Variants in KRABD4 observed in about 807,000 individuals in gnomAD.
KRABD4 encodes the protein KRAB domain-containing protein 4.
chrX:46,462,308 G>A, the KRABD4 span: 17 of 142,952 alleles, frequency 1.2e-4, no homozygotes, highest in South Asian at 2.0e-4. Context: ...TCAGGAGTTC[G>A]AGACCAGCCT....
At chrX:46,458,479 A>G in the KRABD4 span, among the ~76,000 whole-genome samples, 2 of 111,984 alleles carry the variant, frequency 1.8e-5, no homozygotes, top group East Asian at 5.6e-4. Flanking sequence ...ACTCATAGTA[A>G]CAGAAATATT....
chrX:46,462,615 CTG>C, the KRABD4 span: 1 of 1,110,966 alleles, frequency 9.0e-7, no homozygotes, highest in Non-Finnish European at 1.2e-6. Flanking sequence ...TACTTAGGCT[CTG>C]TGCACCTCAC....
chrX:46,471,735 CT>C, the KRABD4 span, among the ~76,000 whole-genome samples: 1 of 112,178 alleles, frequency 8.9e-6, no homozygotes, highest in Non-Finnish European at 1.9e-5. Context: ...AGTATGTAGC[CT>C]TTTCAGACTG....
chrX:46,466,125 T>C, the KRABD4 span, among the ~76,000 whole-genome samples: 1 of 111,981 alleles, frequency 8.9e-6, no homozygotes, highest in Non-Finnish European at 1.9e-5. Context: ...ATGAAAACTG[T>C]CCAGTCTCAT....
the KRABD4 span, among the ~76,000 whole-genome samples, chrX:46,465,392 A>G: frequency 1.8e-5 from 2 of 112,872 alleles, no homozygotes; most frequent in African/African-American, 6.4e-5. Context: ...GTGGAGCCAC[A>G]TAGCCTGGGC....
chrX:46,450,370 T>C, the KRABD4 span: 2 of 708,463 alleles, frequency 2.8e-6, no homozygotes, highest in Non-Finnish European at 4.4e-6. Flanking sequence ...ATTATTGGGA[T>C]GGTAATGATG....
chrX:46,461,557 G>A, the KRABD4 span, among the ~76,000 whole-genome samples: 7 of 111,566 alleles, frequency 6.3e-5, no homozygotes, highest in African/African-American at 2.0e-4. Context: ...TGGGTGCAGC[G>A]AGTGGCTTGA....
chrX:46,462,541 G>C, the KRABD4 span: 3 of 557,177 alleles, frequency 5.4e-6, no homozygotes, highest in Non-Finnish European at 8.4e-6. Context: ...GGCCATTGTG[G>C]GTGTGGGAAC....
chrX:46,461,574 G>T, the KRABD4 span, among the ~76,000 whole-genome samples: 288 of 111,680 alleles, frequency 2.6e-3, 4 homozygotes, highest in East Asian at 0.018. Flanking sequence ...TTGAATTGAA[G>T]GCCACCAAGT....
chrX:46,451,457 CT>C, the KRABD4 span, among the ~76,000 whole-genome samples: 1 of 111,817 alleles, frequency 8.9e-6, no homozygotes, highest in South Asian at 3.8e-4. Flanking sequence ...GTATGGATGT[CT>C]TAATATCATG....
the KRABD4 span, among the ~76,000 whole-genome samples, chrX:46,452,776 T>C: frequency 8.9e-6 from 1 of 112,175 alleles, no homozygotes; most frequent in Non-Finnish European, 1.9e-5. Flanking sequence ...TTCAGAACTG[T>C]CAATTGCCTT....
the KRABD4 span, chrX:46,463,157 C>T: frequency 4.1e-5 from 48 of 1,178,531 alleles, no homozygotes; most frequent in African/African-American, 8.1e-4. Context: ...TGGAATTCCT[C>T]AGCATTAATA....
At chrX:46,461,453 G>A in the KRABD4 span, among the ~76,000 whole-genome samples, 155 of 110,858 alleles carry the variant, frequency 1.4e-3, 1 homozygote, top group South Asian at 5.7e-3. Flanking sequence ...TGCTGGAGAA[G>A]CCTGCCTGTC....
chrX:46,460,978 A>G, the KRABD4 span, among the ~76,000 whole-genome samples: 5 of 96,987 alleles, frequency 5.2e-5, no homozygotes, highest in African/African-American at 7.8e-5. Context: ...CAGCCAGCTA[A>G]CAGTCATCTC....
chrX:46,467,897 A>G, the KRABD4 span, among the ~76,000 whole-genome samples: 3 of 112,000 alleles, frequency 2.7e-5, no homozygotes, highest in Admixed American at 1.9e-4. Flanking sequence ...TCATAACAGT[A>G]TCTTTTGAAA....
the KRABD4 span, among the ~76,000 whole-genome samples, chrX:46,459,738 C>T: frequency 2.9e-4 from 32 of 111,859 alleles, no homozygotes; most frequent in East Asian, 1.1e-3. Flanking sequence ...AATGGAATGA[C>T]GGCTGTTTTA....
the KRABD4 span, among the ~76,000 whole-genome samples, chrX:46,464,306 C>T: frequency 1.8e-5 from 2 of 112,160 alleles, no homozygotes; most frequent in African/African-American, 6.5e-5. Context: ...CCTGCCTGGG[C>T]ATTGTTGGGG....
At chrX:46,450,590 C>T in the KRABD4 span, 1 of 659,631 alleles carries the variant, frequency 1.5e-6, no homozygotes, top group African/African-American at 2.1e-5. Context: ...GTTTTCTATT[C>T]AACTTGTTCT....
At chrX:46,456,003 G>A in the KRABD4 span, 3 of 328,277 alleles carry the variant, frequency 9.1e-6, no homozygotes, top group South Asian at 6.7e-5. Flanking sequence ...AATGTAGGCA[G>A]GCTAAAGTCA....
Sources: gnomAD v4.1 joint callset for allele counts (sites outside exome capture counted in the v4.1 genomes callset) on GRCh38, gnomAD v4.1.1 for gene constraint, MANE v1.5 for transcripts, NCBI Gene and HGNC (gene_info 2026-07-23, HGNC 2026-07-21) for gene names.